Variants in POR observed in about 807,000 individuals in gnomAD.
The protein encoded by POR is NADPH--cytochrome P450 reductase.
Under a neutral mutation model 84.0 loss-of-function variants are expected in POR, and 56 were observed. That is an observed-to-expected ratio of 0.67 (90% confidence interval 0.54 to 0.83). The LOEUF (loss-of-function observed/expected upper bound fraction) is 0.83. POR is among the 40% of genes least tolerant of loss of function. The pLI, the probability that POR is intolerant of heterozygous loss-of-function variation, is 0.00. For missense variants in POR, 938 were observed against 944.3 expected (o/e 0.99, Z 0.09); for synonymous variants, 414 against 400.5 (o/e 1.03, Z -0.40).
chr7:75,921,455 T>G (rs1563397016), intron 1 of POR, among the ~76,000 whole-genome samples: 2 of 152,020 alleles, frequency 1.3e-5, no homozygotes, highest in Non-Finnish European at 2.9e-5. Flanking sequence ...AGAGACAGGG[T>G]TTCACTGTGT....
intron 1 of POR, among the ~76,000 whole-genome samples, chr7:75,943,056 T>C (rs1053969745): frequency 6.6e-6 from 1 of 151,570 alleles, no homozygotes; most frequent in Non-Finnish European, 1.5e-5. Context: ...GGTTCAAGTG[T>C]TTCTTCTGCC....
In POR at chr7:75,984,869, A is replaced by T. The variant is rs1261190177; in HGVS notation, c.1159A>T (p.Asn387Tyr). Residue 387 changes from asparagine to tyrosine, a missense_variant, in exon 11 of 16, where the codon AAC becomes TAC. Asn to Tyr is a moderately radical substitution (Grantham distance 143, BLOSUM62 -2). Transcript: ENST00000461988. ...GGACATCACCAACCCGCCGCGTACC[A>T]ACGTGCTGTACGAGCTGGCGCAGTA... 6.2e-7 allele frequency: 1 copy of T among 1,612,382 alleles called. No homozygotes were observed. The highest frequency in any genetic ancestry group is 1.7e-5 in the Admixed American group (1 of 59,990).
intron 1 of POR, among the ~76,000 whole-genome samples, chr7:75,934,364 C>A (rs12533235): frequency 6.6e-6 from 1 of 151,876 alleles, no homozygotes; most frequent in Non-Finnish European, 1.5e-5. Flanking sequence ...GCTTTTACTA[C>A]CCTACATTCA....
chr7:75,948,953 T>C (rs1787298658), intron 1 of POR, among the ~76,000 whole-genome samples: 2 of 152,146 alleles, frequency 1.3e-5, no homozygotes, highest in African/African-American at 4.8e-5. Flanking sequence ...GAGCAGAAAC[T>C]TAAATGAGGG....
At chr7:75,958,743 G>A (rs1443887984) in intron 2 of POR, among the ~76,000 whole-genome samples, 1 of 152,060 alleles carries the variant, frequency 6.6e-6, no homozygotes. Flanking sequence ...GCTTAGGGAG[G>A]CTGAGGCACA....
In POR at chr7:75,984,829, C is replaced by T. The variant is rs781983210; in HGVS notation, c.1119C>T (p.Ala373=). The change falls in exon 11 of 16, where the codon GCC becomes GCT. Residue 373 remains alanine (A), a synonymous_variant. Coordinates refer to ENST00000461988, the MANE Select transcript of POR (RefSeq NM_000941.3). Reference sequence around the variant, plus strand: ...CGTGCCCTACGTCCTACCGCACGGCCCTCACCTACTACCTGGACATCACCA... The same window carrying T: ...CGTGCCCTACGTCCTACCGCACGGCTCTCACCTACTACCTGGACATCACCA... The T allele has an allele frequency of 1.9e-6, 3 of 1,612,546 alleles. No individual in the cohort carries two copies. Among genetic ancestry groups the T allele is most frequent in the South Asian group, 1.1e-5 (1 of 91,086 alleles).
chr7:75,975,473 C>A (rs1788640229), intron 3 of POR, among the ~76,000 whole-genome samples: 1 of 152,128 alleles, frequency 6.6e-6, no homozygotes, highest in Non-Finnish European at 1.5e-5. Context: ...AACCCCATCT[C>A]CACAAAAAAT....
intron 4 of POR, 39 bp downstream of exon 4, chr7:75,979,618 T>A (rs753404118): frequency 1.4e-5 from 23 of 1,608,458 alleles, no homozygotes; most frequent in Non-Finnish European, 1.8e-5. Context: ...ATGGAGGCAG[T>A]GGGTAGGACA....
intron 1 of POR, chr7:75,922,839 CCAGT>C: frequency 1.8e-6 from 1 of 545,300 alleles, no homozygotes; most frequent in South Asian, 2.0e-5. Context: ...TCAAAGCCAC[CCAGT>C]CAAAGTAGGC....
At position 75,986,480 on chromosome 7, in the gene POR, A is replaced by G. The variant is rs1554559525; in HGVS notation, c.2042A>G (p.Ter681TrpextTer14). The stretch of plus-strand genomic sequence containing the variant: ...CGCTACTCCCTGGACGTGTGGAGCT[A>G]GGGGCCTGCCTGCCCCACCCACCCC... Residue 681 changes from the stop codon to tryptophan, a stop_lost, in exon 16 of 16, where the codon TAG becomes TGG. Coordinates refer to ENST00000461988, the MANE Select transcript of POR (RefSeq NM_000941.3). The G allele has an allele frequency of 1.2e-6, 2 of 1,608,138 alleles. No individual in the cohort carries two copies. Among genetic ancestry groups the G allele is most frequent in the Admixed American group, 1.7e-5 (1 of 59,874 alleles).
chr7:75,922,867 G>A, intron 1 of POR: 1 of 578,696 alleles, frequency 1.7e-6, no homozygotes, highest in Non-Finnish European at 3.1e-6. Flanking sequence ...TTTGGCAAAG[G>A]AGGAGCAGAG....
chr7:75,981,490 G>T, intron 6 of POR, 27 bp from the exon 7 acceptor site: 1 of 1,596,440 alleles, frequency 6.3e-7, no homozygotes, highest in Non-Finnish European at 8.5e-7. Context: ...CCCCTGAGCC[G>T]CTCCCCCTCT....
intron 1 of POR, among the ~76,000 whole-genome samples, chr7:75,946,008 C>T (rs28696382): frequency 0.034 from 5,175 of 152,190 alleles, 260 homozygotes; most frequent in African/African-American, 0.11. Flanking sequence ...TGCCCCCCAG[C>T]CTGTGTGCTC....
At chr7:75,982,554 G>A (rs191390105) in intron 8 of POR, among the ~76,000 whole-genome samples, 130 of 152,338 alleles carry the variant, frequency 8.5e-4, no homozygotes, top group Middle Eastern at 6.8e-3. Context: ...CCAGGGCAGC[G>A]GGGCACATCC....
In POR at chr7:75,936,825, T is replaced by TA. The variant is rs1380156378; in HGVS notation, c.-4-17164_-4-17163insA. The stretch of plus-strand genomic sequence containing the variant: ...CTCTGTTTCTCTTATTATTATTAAT[T>TA]TTTTTTTTTTTTTTTTTTTGAGACC... On this transcript the variant is annotated intron_variant, in intron 1 of 15. Coordinates refer to ENST00000461988, the MANE Select transcript of POR (RefSeq NM_000941.3). Among the ~76,000 whole-genome samples, 691 of 86,582 alleles carry TA rather than the reference T, an allele frequency of 8.0e-3. 3 individuals carry two copies. The highest frequency in any genetic ancestry group is 0.061 in the African/African-American group (566 of 9,316). 56.8% of individuals were successfully genotyped at this position (86,582 alleles called of 152,430 possible). A position where few individuals can be genotyped will look rare whatever the true frequency, so the allele number is the denominator to read the frequency against.
At chr7:75,940,240 C>T (rs1016125827) in intron 1 of POR, among the ~76,000 whole-genome samples, 37 of 151,716 alleles carry the variant, frequency 2.4e-4, no homozygotes, top group African/African-American at 8.7e-4. Flanking sequence ...CGCACCACCA[C>T]GCCTGGCTAG....
At chr7:75,915,848 C>G (rs543845649) in intron 1 of POR, 1 of 152,158 alleles carries the variant, frequency 6.6e-6, no homozygotes, top group African/African-American at 2.4e-5. Flanking sequence ...TCTTGGGCGC[C>G]AGGGGGAGGA....
At chr7:75,933,452 G>A (rs897767997) in intron 1 of POR, among the ~76,000 whole-genome samples, 2 of 140,886 alleles carry the variant, frequency 1.4e-5, no homozygotes, top group South Asian at 2.4e-4. Flanking sequence ...GCAATGGCGC[G>A]ATCTCGGCTC....
chr7:75,986,021 G>GCGCTCAC lies in POR; in HGVS notation c.1770_1776dup (p.Gln593AlafsTer62), dbSNP rs1563436030. ...GCTGGCGCAGTTCCACAGGGACGGT[G>GCGCTCAC]CGCTCACCCAGCTCAACGTGGCCTT... On this transcript the variant is annotated frameshift_variant, in exon 14 of 16. Transcript: ENST00000461988. LOFTEE classifies it high-confidence loss of function. The GCGCTCAC allele has an allele frequency of 6.4e-7, 1 of 1,564,082 alleles. No individual in the cohort carries two copies. The highest frequency in any genetic ancestry group is 8.7e-7 in the Non-Finnish European group (1 of 1,155,382).
Sources: allele counts gnomAD v4.1 joint callset (sites outside exome capture counted in the v4.1 genomes callset), GRCh38; gene constraint gnomAD v4.1.1; transcripts MANE v1.5; gene names NCBI Gene and HGNC (gene_info 2026-07-23, HGNC 2026-07-21).